Variants in TTC7B observed in about 807,000 individuals in gnomAD.
TTC7B encodes the protein tetratricopeptide repeat protein 7B.
In TTC7B, 28 loss-of-function variants were observed where a neutral mutation model predicts 106.8. The ratio of observed to expected loss-of-function variants is 0.26; its 90% CI spans 0.19 to 0.36. The LOEUF is 0.36. TTC7B is among the 10% of genes least tolerant of loss of function. The pLI, the probability that TTC7B is intolerant of heterozygous loss-of-function variation, is 1.00. For missense variants in TTC7B, 862 were observed against 1,076.4 expected (o/e 0.80, Z 2.79); for synonymous variants, 405 against 430.6 (o/e 0.94, Z 0.74).
intron 7 of TTC7B, among the ~76,000 whole-genome samples, chr14:90,680,919 C>T (rs1458002714): frequency 6.6e-6 from 1 of 152,216 alleles, no homozygotes; most frequent in Non-Finnish European, 1.5e-5. Flanking sequence ...CTTCTTACCT[C>T]TTACCTGCTA....
intron 5 of TTC7B, among the ~76,000 whole-genome samples, chr14:90,706,427 T>G (rs1346646933): frequency 6.6e-6 from 1 of 152,180 alleles, no homozygotes; most frequent in Non-Finnish European, 1.5e-5. Context: ...CCTCCCAAAG[T>G]GCTGGGATTA....
At chr14:90,693,766 A>T (rs1887564313) in intron 6 of TTC7B, among the ~76,000 whole-genome samples, 1 of 152,222 alleles carries the variant, frequency 6.6e-6, no homozygotes, top group South Asian at 2.1e-4. Context: ...GTGGGAATGT[A>T]ATATGGTACA....
intron 9 of TTC7B, 62 bp from the exon 10 acceptor site, chr14:90,658,449 G>T: frequency 6.8e-7 from 1 of 1,464,426 alleles, no homozygotes; most frequent in Non-Finnish European, 9.6e-7. Context: ...AACTGCACAA[G>T]TGTGAGTTTG....
chr14:90,651,693 G>A (rs182367300), intron 13 of TTC7B, among the ~76,000 whole-genome samples: 175 of 152,368 alleles, frequency 1.1e-3, no homozygotes, highest in African/African-American at 4.1e-3. Context: ...GTTTGCAGAT[G>A]TCAGTTGGTA....
At chr14:90,737,853 A>C (rs1889604553) in intron 4 of TTC7B, among the ~76,000 whole-genome samples, 1 of 152,128 alleles carries the variant, frequency 6.6e-6, no homozygotes, top group Admixed American at 6.6e-5. Context: ...CACTGCACCC[A>C]ATGTATGATT....
chr14:90,614,986 T>A (rs1358283426), intron 16 of TTC7B, among the ~76,000 whole-genome samples: 5 of 152,098 alleles, frequency 3.3e-5, no homozygotes, highest in Admixed American at 2.0e-4. Context: ...TGAGACAGAT[T>A]TCTATCCTAA....
rs2139923976 is a variant in TTC7B, at chr14:90,676,628, A to G, written c.1047T>C (p.Pro349=). The change falls in exon 9 of 20, where the codon CCT becomes CCC. Residue 349 remains proline (P), a synonymous_variant. Coordinates refer to ENST00000328459, the MANE Select transcript of TTC7B (RefSeq NM_001010854.2). ...ANRDAVLSRI[P]EHKSDRLISL... ...TGATGAGGCGGTCACTCTTGTGTTC[A>G]GGTATCCTGCTCAGCACAGCGTCCC... The G allele has an allele frequency of 1.9e-6, 3 of 1,614,100 alleles. No homozygotes were observed. Among genetic ancestry groups the G allele is most frequent in the Non-Finnish European group, 2.5e-6 (3 of 1,179,998 alleles).
chr14:90,700,703 G>A (rs1887951128), intron 5 of TTC7B, among the ~76,000 whole-genome samples: 1 of 83,636 alleles, frequency 1.2e-5, no homozygotes, highest in Non-Finnish European at 2.5e-5. Context: ...TGCTTTTCCA[G>A]AGTTGTAAGT....
chr14:90,571,395 T>C (rs978180135), intron 19 of TTC7B, among the ~76,000 whole-genome samples: 1 of 152,142 alleles, frequency 6.6e-6, no homozygotes, highest in African/African-American at 2.4e-5. Context: ...ACTGCAGTTA[T>C]AGCGAGGAAA....
rs1889107377 is a variant in TTC7B, at chr14:90,524,773, G to A, written c.*16595C>T. The A allele has an allele frequency of 6.6e-6, 1 of 152,118 alleles. No individual in the cohort carries two copies. The highest frequency in any genetic ancestry group is 2.4e-5 in the African/African-American group (1 of 41,436). 9.4% of individuals were successfully genotyped at this position (152,118 alleles called of 1,614,324 possible). On this transcript the variant is annotated 3_prime_UTR_variant, in exon 20 of 20. Coordinates refer to ENST00000328459, the MANE Select transcript of TTC7B (RefSeq NM_001010854.2). The stretch of plus-strand genomic sequence containing the variant: ...CTGGCTAGAAACAGGGCTCACCTCG[G>A]TCTCCTCCTAAGCCTGGAGCTCTCA...
intron 16 of TTC7B, 121 bp downstream of exon 16, chr14:90,617,808 G>T: frequency 1.4e-6 from 1 of 725,814 alleles, no homozygotes; most frequent in Non-Finnish European, 2.4e-6. Context: ...TGCCACTTGT[G>T]GGGGCCTGGA....
intron 19 of TTC7B, among the ~76,000 whole-genome samples, chr14:90,565,489 A>G (rs1174293311): frequency 6.8e-6 from 1 of 146,272 alleles, no homozygotes; most frequent in Admixed American, 7.0e-5. Flanking sequence ...GCAACCTCCA[A>G]CTCCCTGGTT....
intron 9 of TTC7B, 63 bp downstream of exon 9, chr14:90,676,460 C>T (rs1886842169): frequency 1.9e-6 from 3 of 1,587,538 alleles, no homozygotes; most frequent in Non-Finnish European, 2.6e-6. Context: ...CACAGCGCTT[C>T]CCTGGGGTCA....
rs1280096333 is a variant in TTC7B at position 90,529,908 on chromosome 14, CAA to C, written c.*11458_*11459del. The C allele has an allele frequency of 1.3e-5, 2 of 152,134 alleles. No individual in the cohort carries two copies. Among genetic ancestry groups the C allele is most frequent in the African/African-American group, 2.4e-5 (1 of 41,408 alleles). The allele number at this position is 152,134 out of a possible 1,614,324, so 9.4% of individuals were successfully genotyped here. A position where few individuals can be genotyped will look rare whatever the true frequency, so the allele number is the denominator to read the frequency against. Reference sequence around the variant, plus strand: ...AGTTATCTAGAAAGATTTTTACTGACAAGAGAATATTAAGTGAAAAGATCCAT... The same window carrying C: ...AGTTATCTAGAAAGATTTTTACTGACGAGAATATTAAGTGAAAAGATCCAT... On this transcript the variant is annotated 3_prime_UTR_variant, in exon 20 of 20. Coordinates refer to ENST00000328459, the MANE Select transcript of TTC7B (RefSeq NM_001010854.2).
At chr14:90,589,215 T>C (rs1483909837) in intron 18 of TTC7B, among the ~76,000 whole-genome samples, 4 of 152,178 alleles carry the variant, frequency 2.6e-5, no homozygotes, top group Non-Finnish European at 5.9e-5. Flanking sequence ...ACACACCCCT[T>C]CATCCATCAC....
At chr14:90,815,430 C>T (rs2031116499) in intron 1 of TTC7B, among the ~76,000 whole-genome samples, 1 of 152,058 alleles carries the variant, frequency 6.6e-6, no homozygotes, top group Non-Finnish European at 1.5e-5. Flanking sequence ...CCCCTTCTGG[C>T]CCAGGCACCA....
intron 18 of TTC7B, among the ~76,000 whole-genome samples, chr14:90,581,024 G>T (rs532962727): frequency 6.6e-6 from 1 of 152,090 alleles, no homozygotes; most frequent in African/African-American, 2.4e-5. Context: ...TTGTACCAAC[G>T]ACTGACTCCC....
chr14:90,680,941 T>C (rs1055000966), intron 7 of TTC7B, among the ~76,000 whole-genome samples: 2 of 152,248 alleles, frequency 1.3e-5, no homozygotes, highest in African/African-American at 4.8e-5. Flanking sequence ...CTGGCATATC[T>C]TATACTGTCG....
intron 3 of TTC7B, among the ~76,000 whole-genome samples, chr14:90,745,883 A>G (rs1776299932): frequency 6.6e-6 from 1 of 150,432 alleles, no homozygotes. Flanking sequence ...TTTTTTTTTT[A>G]GTAGAGATGG....
Sources: gnomAD v4.1 joint callset for allele counts (sites outside exome capture counted in the v4.1 genomes callset) on GRCh38, gnomAD v4.1.1 for gene constraint, MANE v1.5 for transcripts, NCBI Gene and HGNC (gene_info 2026-07-23, HGNC 2026-07-21) for gene names.